The following RFX2 variants were observed in gnomAD, a reference collection of about 807,000 sequenced individuals.
RFX2 encodes the protein regulatory factor X2.
RFX2 carries 20 observed loss-of-function variants against 87.8 expected under a neutral mutation model. That is an observed-to-expected ratio of 0.23 (90% CI 0.16 to 0.33). The LOEUF (loss-of-function observed/expected upper bound fraction) is 0.33, where lower values mean the gene tolerates loss of function less well. Among genes scored for constraint, RFX2 ranks in the 10% least tolerant of loss-of-function variants. The probability of loss-of-function intolerance (pLI) is 1.00; values close to 1 mark genes in which losing one functional copy is unlikely to be tolerated. For synonymous variants in RFX2, 397 were observed against 431.3 expected (o/e 0.92, Z 0.98); for missense variants, 767 against 1,012.3 (o/e 0.76, Z 3.29).
At chr19:6,015,515 G>A (rs192344077) in intron 7 of RFX2, among the ~76,000 whole-genome samples, 1 of 151,858 alleles carries the variant, frequency 6.6e-6, no homozygotes, top group Admixed American at 6.5e-5. Context: ...TTGACACAGG[G>A]TCTTGCTCTG....
rs1193612478 is a variant in RFX2, at chr19:6,050,855, A to C, written c.-8-3351T>G. Reference sequence around the variant, plus strand: ...CCCTAAAAAGAATACAAAGAAAGCCAAGATAGGTATGTCATGGTTAAACTG... The same window carrying C: ...CCCTAAAAAGAATACAAAGAAAGCCCAGATAGGTATGTCATGGTTAAACTG... On this transcript the variant is annotated intron_variant, in intron 1 of 17. Coordinates refer to ENST00000303657, the MANE Select transcript of RFX2 (RefSeq NM_000635.4). This position sits in a 1 kb window ranked among gnomAD's most constrained non-coding sequence, Gnocchi z 4.6. Among the ~76,000 whole-genome samples the C allele has an allele frequency of 6.6e-6, 1 of 152,204 alleles. No individual in the cohort carries two copies. The highest frequency in any genetic ancestry group is 1.5e-5 in the Non-Finnish European group (1 of 68,038).
At chr19:6,079,673 G>A (rs1050699817) in intron 1 of RFX2, among the ~76,000 whole-genome samples, 1 of 152,042 alleles carries the variant, frequency 6.6e-6, no homozygotes, top group African/African-American at 2.4e-5. Flanking sequence ...GGATCACGAG[G>A]TCAGGAGATC....
Position 6,047,411 on chromosome 19 carries a change from G to C in RFX2, c.86C>G (p.Pro29Arg). The change falls in exon 2 of 18, where the codon CCG becomes CGG. Residue 29 changes from proline to arginine, a missense_variant. Coordinates refer to ENST00000303657, the MANE Select transcript of RFX2 (RefSeq NM_000635.4). The surrounding 1 kb of genome is among the most constrained non-coding windows in gnomAD (Gnocchi z 4.2). ...SAAAPPVPAS[P>R]QRVLVQAASS... is the part of the protein sequence containing the mutation. ...TTGCTGAGAGGCGCGCGTTACCTGC[G>C]GGGAGGCTGGCACAGGCGGGGCTGC... 1.2e-6 allele frequency: 2 copies of C among 1,606,264 alleles called. No homozygotes were observed. Among genetic ancestry groups the C allele is most frequent in the Non-Finnish European group, 1.7e-6 (2 of 1,176,666 alleles).
chr19:6,093,738 C>CA (rs1343474488), intron 1 of RFX2, among the ~76,000 whole-genome samples: 2 of 150,988 alleles, frequency 1.3e-5, no homozygotes, highest in African/African-American at 2.4e-5. Context: ...AAAAAACACA[C>CA]AAAAAAACCC....
At chr19:6,018,226 T>A (rs2086757415) in intron 6 of RFX2, among the ~76,000 whole-genome samples, 1 of 152,296 alleles carries the variant, frequency 6.6e-6, no homozygotes. Flanking sequence ...CGCCTTGGCC[T>A]CCCAAAGTGC....
Position 6,012,444 on chromosome 19 carries a change from G to A in RFX2, c.899+542C>T, listed in dbSNP as rs2086671323. 6.6e-6 allele frequency among the ~76,000 whole-genome samples: 1 copy of A among 152,194 alleles called. No homozygotes were observed. Among genetic ancestry groups the A allele is most frequent in the Admixed American group, 6.5e-5 (1 of 15,278 alleles). ...AGGGAAAGCTGGGTAGGCAGAACAT[G>A]GAGGATGTGTAGGACTGTGAAAGGA... On this transcript the variant is annotated intron_variant, in intron 8 of 17. Coordinates refer to ENST00000303657, the MANE Select transcript of RFX2 (RefSeq NM_000635.4). The surrounding 1 kb of genome is among the most constrained non-coding windows in gnomAD (Gnocchi z 4.6).
chr19:6,061,510 C>T lies in RFX2; in HGVS notation c.-8-14006G>A, dbSNP rs1406378401. On this transcript the variant is annotated intron_variant, in intron 1 of 17. Coordinates refer to ENST00000303657, the MANE Select transcript of RFX2 (RefSeq NM_000635.4). This position sits in a 1 kb window ranked among gnomAD's most constrained non-coding sequence, Gnocchi z 5.2. ...AAGACCTTGTCACCTGAAGACTGTC[C>T]GTAGGCAGGCAGAGAGCCCTGCCCC... Among the ~76,000 whole-genome samples, 1 of 152,210 alleles carries T rather than the reference C, an allele frequency of 6.6e-6. No individual in the cohort carries two copies. The highest frequency in any genetic ancestry group is 6.5e-5 in the Admixed American group (1 of 15,284).
chr19:6,065,542 G>C (rs1411590011), intron 1 of RFX2, among the ~76,000 whole-genome samples: 4 of 152,166 alleles, frequency 2.6e-5, no homozygotes, highest in Non-Finnish European at 5.9e-5. Flanking sequence ...AGCTACTCGG[G>C]AGGCTGAGGC....
chr19:6,072,981 A>AT (rs892578626), intron 1 of RFX2: 679 of 609,054 alleles, frequency 1.1e-3, no homozygotes, highest in East Asian at 1.5e-3. Flanking sequence ...AGGACCAGAT[A>AT]TTTTTTTTTC....
At chr19:5,996,945 G>T in intron 16 of RFX2, 115 bp downstream of exon 16, 2 of 1,089,962 alleles carry the variant, frequency 1.8e-6, no homozygotes, top group Non-Finnish European at 2.6e-6. Context: ...AGCTCTGTCC[G>T]GGCGGCAGAG....
intron 5 of RFX2, among the ~76,000 whole-genome samples, chr19:6,030,486 A>G (rs2086941258): frequency 6.6e-6 from 1 of 152,242 alleles, no homozygotes; most frequent in Non-Finnish European, 1.5e-5. Context: ...TACAACATGG[A>G]TGAGCCTCAT....
In RFX2 at chr19:6,026,201, C is replaced by T; in HGVS notation, c.559G>A (p.Gly187Arg). The T allele has an allele frequency of 6.2e-7, 1 of 1,613,626 alleles. No homozygotes were observed. Among genetic ancestry groups the T allele is most frequent in the Non-Finnish European group, 8.5e-7 (1 of 1,179,970 alleles). ...MAIENLQKSE[G>R]ITSHKSGLLN... ...AAACCGCTTTTGTGTGATGTGATTC[C>T]TTCGCTTTTTTGGAGGTTTTCAATC... Residue 187 changes from glycine (G) to arginine (R), a missense_variant, in exon 6 of 18, where the codon GGA becomes AGA. This residue lies in a region of RFX2 where 621 missense variants were observed against 873.0 expected (regional missense o/e 0.71). Coordinates refer to ENST00000303657, the MANE Select transcript of RFX2 (RefSeq NM_000635.4). This position sits in a 1 kb window ranked among gnomAD's most constrained non-coding sequence, Gnocchi z 4.5.
chr19:6,005,932 C>T (rs1032740560), intron 12 of RFX2, among the ~76,000 whole-genome samples: 1 of 152,184 alleles, frequency 6.6e-6, no homozygotes, highest in African/African-American at 2.4e-5. Flanking sequence ...TGGGCCAAGG[C>T]CTCCCGCACA....
At chr19:5,995,393 G>A (rs985575807) in intron 17 of RFX2, among the ~76,000 whole-genome samples, 10 of 152,196 alleles carry the variant, frequency 6.6e-5, no homozygotes, top group South Asian at 2.1e-4. Context: ...AGAGGCCAGC[G>A]GCAGTCTGAG....
intron 1 of RFX2, among the ~76,000 whole-genome samples, chr19:6,096,534 C>T (rs894201354): frequency 3.3e-5 from 5 of 152,112 alleles, no homozygotes; most frequent in Non-Finnish European, 7.3e-5. Context: ...GCAAGCTCCG[C>T]CCCCCGGGTT....
Position 5,997,423 on chromosome 19 carries a change from C to G in RFX2, c.1860-210G>C. On this transcript the variant is annotated intron_variant, in intron 15 of 17. Coordinates refer to ENST00000303657, the MANE Select transcript of RFX2 (RefSeq NM_000635.4). The surrounding 1 kb of genome is among the most constrained non-coding windows in gnomAD (Gnocchi z 4.2). ...GACGGACAGGTGGGGCCGGCCTGCG[C>G]GCTCAGTTCCAGAGACCACCTGGGG... The G allele has an allele frequency of 3.6e-6, 2 of 555,208 alleles. No homozygotes were observed. Among genetic ancestry groups the G allele is most frequent in the Non-Finnish European group, 6.3e-6 (2 of 319,080 alleles). 34.4% of individuals were successfully genotyped at this position (555,208 alleles called of 1,614,324 possible). A position where few individuals can be genotyped will look rare whatever the true frequency, so the allele number is the denominator to read the frequency against.
rs2086363664 is a variant in RFX2, at chr19:5,993,548, C to A, written c.*1287G>T. ...AATGTACACATTCATAAGAAACGTT[C>A]TAATAACAATTAGCGCACAAAACTA... is the stretch of plus-strand genomic sequence containing the variant. On this transcript the variant is annotated 3_prime_UTR_variant, in exon 18 of 18. Transcript: ENST00000303657. 1 of 152,216 alleles carries A rather than the reference C, an allele frequency of 6.6e-6. No homozygotes were observed. The highest frequency in any genetic ancestry group is 6.5e-5 in the Admixed American group (1 of 15,280). 9.4% of individuals were successfully genotyped at this position (152,216 alleles called of 1,614,324 possible). A position where few individuals can be genotyped will look rare whatever the true frequency, so the allele number is the denominator to read the frequency against.
At position 6,004,637 on chromosome 19, in the gene RFX2, T is replaced by G. The variant is rs1348015317; in HGVS notation, c.1403-339A>C. Among the ~76,000 whole-genome samples the G allele has an allele frequency of 1.3e-5, 2 of 151,202 alleles. No individual in the cohort carries two copies. The highest frequency in any genetic ancestry group is 3.0e-5 in the Non-Finnish European group (2 of 67,748). ...AGGGATGCTCCTCAGCACCCCACAG[T>G]GCCCAGGAGGGCCCCACCCCAGACA... On this transcript the variant is annotated intron_variant, in intron 12 of 17. Coordinates refer to ENST00000303657, the MANE Select transcript of RFX2 (RefSeq NM_000635.4). The surrounding 1 kb of genome is among the most constrained non-coding windows in gnomAD (Gnocchi z 4.8).
intron 1 of RFX2, among the ~76,000 whole-genome samples, chr19:6,058,706 G>A (rs768116182): frequency 2.0e-5 from 3 of 151,162 alleles, no homozygotes; most frequent in East Asian, 3.9e-4. Flanking sequence ...TTTTCTTTTC[G>A]TAAGAATTGG....
Sources: gnomAD v4.1 joint callset for allele counts (sites outside exome capture counted in the v4.1 genomes callset) on GRCh38, gnomAD v4.1.1 for gene constraint, gnomAD v4.1.1 regional missense constraint, Gnocchi (gnomAD v3.1) non-coding constraint, MANE v1.5 for transcripts, NCBI Gene and HGNC (gene_info 2026-07-23, HGNC 2026-07-21) for gene names.